MAGI2: variants seen among roughly 807,000 people sequenced by gnomAD.
MAGI2 encodes the protein membrane-associated guanylate kinase, WW and PDZ domain-containing protein 2.
Under a neutral mutation model 133.3 loss-of-function variants are expected in MAGI2, and 35 were observed. The ratio of observed to expected loss-of-function variants is 0.26; its 90% CI spans 0.20 to 0.35. The LOEUF is 0.35. Among genes scored for constraint, MAGI2 ranks in the 10% least tolerant of loss-of-function variants. The pLI is 1.00. For missense variants in MAGI2, 1,636 were observed against 1,863.4 expected, an observed-to-expected ratio of 0.88 and a Z score of 2.25; for synonymous variants, 729 against 710.6, an observed-to-expected ratio of 1.03 and a Z score of -0.41.
intron 21 of MAGI2, among the ~76,000 whole-genome samples, chr7:78,064,946 A>G (rs1813661767): frequency 6.6e-6 from 1 of 152,212 alleles, no homozygotes; most frequent in Non-Finnish European, 1.5e-5. Flanking sequence ...TTGAAACAGT[A>G]GCGAATACTA....
intron 1 of MAGI2, among the ~76,000 whole-genome samples, chr7:79,026,043 T>C (rs570125805): frequency 6.6e-6 from 1 of 152,328 alleles, no homozygotes; most frequent in East Asian, 1.9e-4. Flanking sequence ...TCTAGATTGG[T>C]GCATTCAATT....
At chr7:79,418,869 GCACACACA>G (rs879433243) in intron 1 of MAGI2, among the ~76,000 whole-genome samples, 4 of 46,416 alleles carry the variant, frequency 8.6e-5, no homozygotes, top group African/African-American at 5.7e-4. Flanking sequence ...ACACACACAC[GCACACACA>G]CACACACACA....
intron 2 of MAGI2, 143 bp from the exon 3 acceptor site, chr7:78,627,382 G>C (rs1808483182): frequency 2.9e-6 from 2 of 681,788 alleles, no homozygotes; most frequent in African/African-American, 1.9e-5. Context: ...CCTTCTGTTT[G>C]TTTGGCAACA....
intron 3 of MAGI2, among the ~76,000 whole-genome samples, chr7:78,604,606 T>C (rs1350051313): frequency 6.6e-6 from 1 of 152,208 alleles, no homozygotes; most frequent in Non-Finnish European, 1.5e-5. Flanking sequence ...AAATCCCTTA[T>C]CAAGCTTACA....
chr7:78,336,353 A>C (rs1789759467), intron 9 of MAGI2, among the ~76,000 whole-genome samples: 1 of 152,204 alleles, frequency 6.6e-6, no homozygotes. Flanking sequence ...TTTCAGAAGC[A>C]CAGATATAGA....
intron 1 of MAGI2, among the ~76,000 whole-genome samples, chr7:79,452,230 C>A (rs1474520750): frequency 6.6e-6 from 1 of 152,244 alleles, no homozygotes; most frequent in East Asian, 1.9e-4. Flanking sequence ...TCATCTCCTC[C>A]GACAACCATT....
At chr7:79,035,857 G>C (rs190794563) in intron 1 of MAGI2, among the ~76,000 whole-genome samples, 2 of 152,280 alleles carry the variant, frequency 1.3e-5, no homozygotes, top group African/African-American at 2.4e-5. Flanking sequence ...CCTGTAAATT[G>C]AGAAAGTATA....
chr7:78,111,294 T>C (rs898181562), intron 20 of MAGI2, among the ~76,000 whole-genome samples: 2 of 152,208 alleles, frequency 1.3e-5, no homozygotes, highest in African/African-American at 4.8e-5. Flanking sequence ...TTCTCGTTCT[T>C]TTCCATAGGC....
At chr7:78,044,606 G>A (rs1428192259) in intron 21 of MAGI2, among the ~76,000 whole-genome samples, 2 of 151,852 alleles carry the variant, frequency 1.3e-5, no homozygotes, top group Non-Finnish European at 2.9e-5. Context: ...ATATTTTTGG[G>A]GACTTGGTAG....
At chr7:78,126,524 G>T (rs560807408) in intron 19 of MAGI2, among the ~76,000 whole-genome samples, 1 of 152,194 alleles carries the variant, frequency 6.6e-6, no homozygotes, top group Non-Finnish European at 1.5e-5. Context: ...CCAAACTCTG[G>T]TCTAGACTCT....
chr7:78,664,836 AAACT>A (rs1563320032), intron 2 of MAGI2, among the ~76,000 whole-genome samples: 1 of 152,024 alleles, frequency 6.6e-6, no homozygotes, highest in East Asian at 1.9e-4. Context: ...ACTTTTATTT[AAACT>A]AACTTTTATG....
intron 2 of MAGI2, among the ~76,000 whole-genome samples, chr7:78,667,556 A>G (rs1813765016): frequency 7.1e-6 from 1 of 141,836 alleles, no homozygotes; most frequent in Admixed American, 7.3e-5. Flanking sequence ...CCACCCCACA[A>G]CAGTCCCCAG....
chr7:78,854,385 A>G (rs548621614), intron 2 of MAGI2, among the ~76,000 whole-genome samples: 1 of 152,258 alleles, frequency 6.6e-6, no homozygotes, highest in East Asian at 1.9e-4. Context: ...TTTGTTATAA[A>G]ACTTATACTT....
chr7:78,275,672 G>T (rs545635859), intron 9 of MAGI2, among the ~76,000 whole-genome samples: 1 of 152,190 alleles, frequency 6.6e-6, no homozygotes, highest in East Asian at 1.9e-4. Context: ...ATGATTTTAA[G>T]GTATTTTACG....
intron 1 of MAGI2, among the ~76,000 whole-genome samples, chr7:79,209,208 A>G (rs886261062): frequency 1.3e-5 from 2 of 152,078 alleles, no homozygotes; most frequent in Non-Finnish European, 1.5e-5. Flanking sequence ...ATGTGAGATA[A>G]TGAATATGTT....
chr7:79,230,371 A>T (rs1831257810), intron 1 of MAGI2, among the ~76,000 whole-genome samples: 1 of 152,040 alleles, frequency 6.6e-6, no homozygotes, highest in Non-Finnish European at 1.5e-5. Context: ...CGCCACACCG[A>T]CTTCCACAAT....
intron 9 of MAGI2, among the ~76,000 whole-genome samples, chr7:78,280,173 G>GCAGGATCA (rs1795428049): frequency 6.6e-6 from 1 of 152,146 alleles, no homozygotes; most frequent in Non-Finnish European, 1.5e-5. Flanking sequence ...TCCTGATGCT[G>GCAGGATCA]CAGGATCAGG....
intron 2 of MAGI2, among the ~76,000 whole-genome samples, chr7:78,628,888 T>G (rs951486711): frequency 6.6e-6 from 1 of 151,466 alleles, no homozygotes; most frequent in Non-Finnish European, 1.5e-5. Context: ...TTTTTGGCAA[T>G]CAATTTGTTT....
chr7:78,323,342 T>C (rs931625531), intron 9 of MAGI2, among the ~76,000 whole-genome samples: 1 of 152,358 alleles, frequency 6.6e-6, no homozygotes, highest in South Asian at 2.1e-4. Context: ...AGGACATTCA[T>C]ACTTCTTTCC....
Sources: gnomAD v4.1 joint callset for allele counts (sites outside exome capture counted in the v4.1 genomes callset) on GRCh38, gnomAD v4.1.1 for gene constraint, MANE v1.5 for transcripts, NCBI Gene and HGNC (gene_info 2026-07-23, HGNC 2026-07-21) for gene names.